The following AGAP1 variants were observed in gnomAD, a reference collection of about 807,000 sequenced individuals.
The protein encoded by AGAP1 is arf-GAP with GTPase, ANK repeat and PH domain-containing protein 1.
Under a neutral mutation model 105.3 loss-of-function variants are expected in AGAP1, and 29 were observed. The ratio of observed to expected loss-of-function variants is 0.28; its 90% CI spans 0.21 to 0.38. AGAP1 has a LOEUF of 0.38. Ranked by LOEUF, AGAP1 falls within the 10% of genes least tolerant of loss-of-function variation. The pLI is 1.00. For synonymous variants in AGAP1, 509 were observed against 485.9 expected (o/e 1.05, Z -0.63); for missense variants, 998 against 1,165.1 (o/e 0.86, Z 2.09).
rs1238797969 is a variant in AGAP1 at position 236,012,158 on chromosome 2, A to G, written c.1646-24403A>G. On this transcript the variant is annotated intron_variant, in intron 13 of 17. Coordinates refer to ENST00000304032, the MANE Select transcript of AGAP1 (RefSeq NM_001037131.3). The surrounding 1 kb of genome is among the most constrained non-coding windows in gnomAD (Gnocchi z 4.9). ...AATGGATTATTTCATCAATAGGTTA[A>G]TAGAAAGCCGGGCTGCAAGTTCACT... is the stretch of plus-strand genomic sequence containing the variant. Among the ~76,000 whole-genome samples, 1 of 152,138 alleles carries G rather than the reference A, an allele frequency of 6.6e-6. No homozygotes were observed.
chr2:236,019,372 G>A (rs1349730), intron 13 of AGAP1, among the ~76,000 whole-genome samples: 31,450 of 152,054 alleles, frequency 0.21, 3,528 homozygotes, highest in South Asian at 0.28. Flanking sequence ...TGGATGCTCT[G>A]GGGGCTTTGT....
At chr2:235,683,396 A>G (rs955688534) in intron 1 of AGAP1, among the ~76,000 whole-genome samples, 1 of 152,068 alleles carries the variant, frequency 6.6e-6, no homozygotes, top group South Asian at 2.1e-4. Flanking sequence ...TTAAAAATGT[A>G]CTTGCCTCCC....
rs970632267 is a variant in AGAP1, at chr2:235,864,937, G to A, written c.1051-18408G>A. ...AGACCTAATGTGAACCATACATCTCGTCGGCATTACTCATCGTCAACATGG... is the reference window on the plus strand; with the variant it reads ...AGACCTAATGTGAACCATACATCTCATCGGCATTACTCATCGTCAACATGG... On this transcript the variant is annotated intron_variant, in intron 9 of 17. Coordinates refer to ENST00000304032, the MANE Select transcript of AGAP1 (RefSeq NM_001037131.3). This position sits in a 1 kb window ranked among gnomAD's most constrained non-coding sequence, Gnocchi z 5.0. 2.0e-5 allele frequency among the ~76,000 whole-genome samples: 3 copies of A among 152,082 alleles called. No individual in the cohort carries two copies. The highest frequency in any genetic ancestry group is 6.6e-5 in the Admixed American group (1 of 15,262).
chr2:236,057,555 C>A (rs574624471), intron 16 of AGAP1, among the ~76,000 whole-genome samples: 3 of 152,092 alleles, frequency 2.0e-5, no homozygotes, highest in Admixed American at 2.0e-4. Context: ...GTTAGAGCCC[C>A]CCCCTCAACC....
chr2:235,999,401 AGGTGGTGGT>A lies in AGAP1; in HGVS notation c.1645+30786_1645+30794del, dbSNP rs751102461. On this transcript the variant is annotated intron_variant, in intron 13 of 17. Coordinates refer to ENST00000304032, the MANE Select transcript of AGAP1 (RefSeq NM_001037131.3). ...ATGGTATGGTGGTGATGATGGTGAG[AGGTGGTGGT>A]GGTGGTGATGATGGTGAGAGGTGGT... Among the ~76,000 whole-genome samples, 300 of 130,842 alleles carry A rather than the reference AGGTGGTGGT, an allele frequency of 2.3e-3. 3 individuals are homozygous for A. Among genetic ancestry groups the A allele is most frequent in the Non-Finnish European group, 3.5e-3 (220 of 62,480 alleles). The allele number at this position is 130,842 out of a possible 152,430, so 85.8% of individuals were successfully genotyped here.
chr2:235,922,098 A>G (rs2052210307), intron 11 of AGAP1, among the ~76,000 whole-genome samples: 1 of 152,184 alleles, frequency 6.6e-6, no homozygotes, highest in Non-Finnish European at 1.5e-5. Flanking sequence ...ACACATGCGC[A>G]CAACGGGCGT....
At chr2:236,068,857 G>A (rs2058422036) in intron 16 of AGAP1, among the ~76,000 whole-genome samples, 1 of 148,520 alleles carries the variant, frequency 6.7e-6, no homozygotes. Context: ...GGCTAGGCAT[G>A]GTGGTTCACG....
chr2:235,901,763 C>T lies in AGAP1; in HGVS notation c.1156-6975C>T, dbSNP rs907652072. On this transcript the variant is annotated intron_variant, in intron 10 of 17. Coordinates refer to ENST00000304032, the MANE Select transcript of AGAP1 (RefSeq NM_001037131.3). This position sits in a 1 kb window ranked among gnomAD's most constrained non-coding sequence, Gnocchi z 4.3. ...GAGCATAGGAACGTGCCTGTAATCC[C>T]AGCTACTCAGGAGGCTGAGGCAGTA... Among the ~76,000 whole-genome samples, 1 of 152,010 alleles carries T rather than the reference C, an allele frequency of 6.6e-6. No individual in the cohort carries two copies. Among genetic ancestry groups the T allele is most frequent in the African/African-American group, 2.4e-5 (1 of 41,400 alleles).
At chr2:235,844,593 C>T (rs917882556) in intron 9 of AGAP1, among the ~76,000 whole-genome samples, 7 of 152,184 alleles carry the variant, frequency 4.6e-5, no homozygotes, top group Admixed American at 1.3e-4. Context: ...GACCTTCCCA[C>T]GAAGCTCCTG....
In AGAP1 at chr2:235,753,454, C is replaced by T. The variant is rs139373695; in HGVS notation, c.673+2966C>T. Among the ~76,000 whole-genome samples, 31 of 152,064 alleles carry T rather than the reference C, an allele frequency of 2.0e-4. No individual in the cohort carries two copies. The highest frequency in any genetic ancestry group is 6.5e-4 in the African/African-American group (27 of 41,476). On this transcript the variant is annotated intron_variant, in intron 6 of 17. Transcript: ENST00000304032. The surrounding 1 kb of genome is among the most constrained non-coding windows in gnomAD (Gnocchi z 4.5). ...GCGCAGTGGCTCAGGCCTGTAATCC[C>T]AACACTTTGGGAGGCTGAGGAGGGC...
rs1575778985 is a variant in AGAP1 at position 235,919,196 on chromosome 2, G to A, written c.1324+10290G>A. Among the ~76,000 whole-genome samples the A allele has an allele frequency of 6.6e-6, 1 of 152,246 alleles. No homozygotes were observed. The highest frequency in any genetic ancestry group is 2.1e-4 in the South Asian group (1 of 4,820). ...ACCAGGGAGCCAGCTGCCAGCCCCGGGGGCCAGTGAGAACCGAGGCCTTGG... is the reference window on the plus strand; with the variant it reads ...ACCAGGGAGCCAGCTGCCAGCCCCGAGGGCCAGTGAGAACCGAGGCCTTGG... On this transcript the variant is annotated intron_variant, in intron 11 of 17. Coordinates refer to ENST00000304032, the MANE Select transcript of AGAP1 (RefSeq NM_001037131.3). This position sits in a 1 kb window ranked among gnomAD's most constrained non-coding sequence, Gnocchi z 4.1.
chr2:235,758,133 TGTGCATGC>T (rs914254158), intron 6 of AGAP1, among the ~76,000 whole-genome samples: 18 of 150,960 alleles, frequency 1.2e-4, no homozygotes, highest in Admixed American at 3.3e-4. Context: ...CTAGTGTGTG[TGTGCATGC>T]GTGCATGTGT....
In AGAP1 at chr2:236,080,796, T is replaced by C. The variant is rs1054428628; in HGVS notation, c.2114+31515T>C. 6.6e-6 allele frequency among the ~76,000 whole-genome samples: 1 copy of C among 152,172 alleles called. No individual in the cohort carries two copies. Among genetic ancestry groups the C allele is most frequent in the Admixed American group, 6.5e-5 (1 of 15,280 alleles). Reference sequence around the variant, plus strand: ...CAGCTTCTAGAAGCTGCTACTCATCTTGGTGGCCTTGCATCCCCTCTGACC... The same window carrying C: ...CAGCTTCTAGAAGCTGCTACTCATCCTGGTGGCCTTGCATCCCCTCTGACC... On this transcript the variant is annotated intron_variant, in intron 16 of 17. Transcript: ENST00000304032. The surrounding 1 kb of genome is among the most constrained non-coding windows in gnomAD (Gnocchi z 4.2).
rs978369044 is a variant in AGAP1, at chr2:235,799,950, A to T, written c.957+428A>T. On this transcript the variant is annotated intron_variant, in intron 8 of 17. Transcript: ENST00000304032. This position sits in a 1 kb window ranked among gnomAD's most constrained non-coding sequence, Gnocchi z 5.0. ...GTGCCTGGCGCTGCCCTCGGGGTGG[A>T]GGTGGGGGACTGGGAGGTGCTTCCT... 2.0e-5 allele frequency among the ~76,000 whole-genome samples: 3 copies of T among 151,748 alleles called. No homozygotes were observed. The highest frequency in any genetic ancestry group is 2.0e-4 in the Admixed American group (3 of 15,240).
chr2:235,846,937 A>G (rs1334541143), intron 9 of AGAP1, among the ~76,000 whole-genome samples: 1 of 152,140 alleles, frequency 6.6e-6, no homozygotes, highest in Non-Finnish European at 1.5e-5. Context: ...CTGGTTCCAC[A>G]GTTTTGAAGA....
intron 11 of AGAP1, among the ~76,000 whole-genome samples, chr2:235,922,989 C>G (rs1244983740): frequency 4.6e-5 from 7 of 152,166 alleles, no homozygotes; most frequent in Non-Finnish European, 1.0e-4. Flanking sequence ...TCAGTAAGCA[C>G]ACACACATAT....
chr2:236,049,517 C>A, intron 16 of AGAP1: 1 of 457,074 alleles, frequency 2.2e-6, no homozygotes, highest in East Asian at 3.6e-5. Context: ...TCTCTCCCCC[C>A]TCTTAGAAAT....
Position 236,001,630 on chromosome 2 carries a change from C to T in AGAP1, c.1645+33007C>T, listed in dbSNP as rs866945652. ...AGTGAGAGGACACAGAGGCCAGGGC[C>T]GGGAGACCAGGAGGCCGAGAGCGGT... On this transcript the variant is annotated intron_variant, in intron 13 of 17. Coordinates refer to ENST00000304032, the MANE Select transcript of AGAP1 (RefSeq NM_001037131.3). The surrounding 1 kb of genome is among the most constrained non-coding windows in gnomAD (Gnocchi z 4.7). Among the ~76,000 whole-genome samples, 3 of 152,140 alleles carry T rather than the reference C, an allele frequency of 2.0e-5. No homozygotes were observed. Among genetic ancestry groups the T allele is most frequent in the African/African-American group, 4.8e-5 (2 of 41,418 alleles).
chr2:235,882,506 A>G lies in AGAP1; in HGVS notation c.1051-839A>G, dbSNP rs13387698. 10,813 of 1,449,772 alleles carry G rather than the reference A, an allele frequency of 7.5e-3. 444 individuals are homozygous for G. In the African/African-American group the frequency reaches 0.1, roughly 13 times the overall value. 89.8% of individuals were successfully genotyped at this position (1,449,772 alleles called of 1,614,324 possible). On this transcript the variant is annotated intron_variant, in intron 9 of 17. Transcript: ENST00000304032. The surrounding 1 kb of genome is among the most constrained non-coding windows in gnomAD (Gnocchi z 4.6). ...GTTTGTCTGCCATTTTCTTAAAACA[A>G]TCGGTACCATCCGTGGCGGGCTCTT...
Sources: allele counts gnomAD v4.1 joint callset (sites outside exome capture counted in the v4.1 genomes callset), GRCh38; gene constraint gnomAD v4.1.1; non-coding constraint Gnocchi (gnomAD v3.1); transcripts MANE v1.5; gene names NCBI Gene and HGNC (gene_info 2026-07-23, HGNC 2026-07-21).